Variants in RYR2 observed in about 807,000 individuals in gnomAD.
RYR2 encodes cardiac muscle ryanodine receptor-calcium release channel.
In RYR2, 227 loss-of-function variants were observed where a neutral mutation model predicts 601.1. That is an observed-to-expected ratio of 0.38 (90% confidence interval 0.34 to 0.42). RYR2 has a LOEUF of 0.42. RYR2 is among the 10% of genes least tolerant of loss of function. The pLI is 1.00. For missense variants in RYR2, 4,646 were observed against 6,156.5 expected (o/e 0.75, Z 8.21); for synonymous variants, 2,223 against 2,175.1 (o/e 1.02, Z -0.61).
At chr1:237,599,174 G>C (rs1170922298) in intron 34 of RYR2, among the ~76,000 whole-genome samples, 1 of 152,110 alleles carries the variant, frequency 6.6e-6, no homozygotes, top group Non-Finnish European at 1.5e-5. Context: ...AGGACTAAAT[G>C]GGGGAAAAGT....
chr1:237,351,879 G>C (rs1311419789), intron 3 of RYR2, among the ~76,000 whole-genome samples: 2 of 116,146 alleles, frequency 1.7e-5, no homozygotes, highest in Non-Finnish European at 3.7e-5. Flanking sequence ...AAAAAAAAAA[G>C]GTATAGACTA....
intron 1 of RYR2, among the ~76,000 whole-genome samples, chr1:237,125,401 GA>G (rs570290775): frequency 1.7e-3 from 250 of 148,026 alleles, no homozygotes; most frequent in African/African-American, 6.0e-3. Flanking sequence ...GCAAAGGGAT[GA>G]CTTAACAAAA....
chr1:237,501,309 A>G (rs995560043), intron 21 of RYR2, among the ~76,000 whole-genome samples: 3 of 150,872 alleles, frequency 2.0e-5, no homozygotes, highest in African/African-American at 7.3e-5. Context: ...ACACCCTCTT[A>G]TTTCAATAGA....
chr1:237,350,674 C>T (rs191247385), intron 3 of RYR2, among the ~76,000 whole-genome samples: 9 of 120,080 alleles, frequency 7.5e-5, no homozygotes, highest in South Asian at 2.9e-4. Flanking sequence ...GAAAGTATTG[C>T]GAGAAATCAA....
At chr1:237,168,187 G>A (rs181864075) in intron 1 of RYR2, among the ~76,000 whole-genome samples, 3 of 152,294 alleles carry the variant, frequency 2.0e-5, no homozygotes, top group Admixed American at 6.5e-5. Flanking sequence ...CAGCTGTAGA[G>A]TGGAGGACAA....
chr1:237,103,635 C>T (rs1439246633), intron 1 of RYR2, among the ~76,000 whole-genome samples: 2 of 152,224 alleles, frequency 1.3e-5, no homozygotes, highest in East Asian at 3.9e-4. Flanking sequence ...ATGCCATGAT[C>T]TCGGCTCACT....
At chr1:237,801,496 T>C (rs1009248971) in intron 97 of RYR2, among the ~76,000 whole-genome samples, 3 of 147,034 alleles carry the variant, frequency 2.0e-5, no homozygotes, top group African/African-American at 7.5e-5. Context: ...GAGCCAAGAT[T>C]GCACCATTGC....
At position 237,197,158 on chromosome 1, in the gene RYR2, A is replaced by G. The variant is rs148698367; in HGVS notation, c.49-73339A>G. On this transcript the variant is annotated intron_variant, in intron 1 of 104. Coordinates refer to ENST00000366574, the MANE Select transcript of RYR2 (RefSeq NM_001035.3). The stretch of plus-strand genomic sequence containing the variant: ...AATTGTCATTCAGATAATTTACCGA[A>G]AGATTCCATAGCCAATCATATTGTC... Among the ~76,000 whole-genome samples the G allele has an allele frequency of 6.0e-3, 912 of 152,300 alleles. 10 individuals carry two copies. Among genetic ancestry groups the G allele is most frequent in the South Asian group, 0.032 (153 of 4,824 alleles).
At chr1:237,451,627 A>C (rs1365547905) in intron 14 of RYR2, among the ~76,000 whole-genome samples, 1 of 151,286 alleles carries the variant, frequency 6.6e-6, no homozygotes, top group Non-Finnish European at 1.5e-5. Flanking sequence ...ATAATTTTTT[A>C]ATATATTTAG....
At chr1:237,181,004 G>A (rs1310128948) in intron 1 of RYR2, among the ~76,000 whole-genome samples, 1 of 151,206 alleles carries the variant, frequency 6.6e-6, no homozygotes, top group Non-Finnish European at 1.5e-5. Flanking sequence ...ATTTTTTTAA[G>A]ACAGAGCCTC....
At chr1:237,259,706 G>A (rs1257758731) in intron 1 of RYR2, among the ~76,000 whole-genome samples, 1 of 152,108 alleles carries the variant, frequency 6.6e-6, no homozygotes, top group Admixed American at 6.6e-5. Context: ...GCTTGAATTT[G>A]CACATGGGGG....
rs188852709 is a variant in RYR2, at chr1:237,343,948, G to A, written c.274-12017G>A. Among the ~76,000 whole-genome samples, 715 of 151,834 alleles carry A rather than the reference G, an allele frequency of 4.7e-3. 7 individuals carry two copies. Among genetic ancestry groups the A allele is most frequent in the African/African-American group, 0.016 (680 of 41,402 alleles). ...CGATTCTCCTGCCTCAGCCTCCCAA[G>A]TAGCTGGGATTGCAGGCACCCACCA... On this transcript the variant is annotated intron_variant, in intron 3 of 104. Transcript: ENST00000366574.
intron 29 of RYR2, among the ~76,000 whole-genome samples, chr1:237,581,763 C>G (rs1232496725): frequency 6.6e-6 from 1 of 152,204 alleles, no homozygotes; most frequent in East Asian, 1.9e-4. Flanking sequence ...CCAGCATCCT[C>G]TGTGCAACCT....
intron 14 of RYR2, among the ~76,000 whole-genome samples, chr1:237,448,750 A>G (rs1657699071): frequency 6.6e-6 from 1 of 151,954 alleles, no homozygotes; most frequent in African/African-American, 2.4e-5. Flanking sequence ...AACTCTGGTA[A>G]TATTCTTTTC....
At chr1:237,779,339 T>G (rs1057139931) in intron 88 of RYR2, among the ~76,000 whole-genome samples, 1 of 152,200 alleles carries the variant, frequency 6.6e-6, no homozygotes, top group African/African-American at 2.4e-5. Flanking sequence ...AAATATCAGC[T>G]TGTTTGCTCA....
chr1:237,658,177 A>C (rs1180829962), intron 54 of RYR2, among the ~76,000 whole-genome samples, 155 bp downstream of exon 54: 1 of 152,144 alleles, frequency 6.6e-6, no homozygotes, highest in Non-Finnish European at 1.5e-5. Context: ...TAATAATATA[A>C]TATTTAGCTA....
chr1:237,657,939 C>T lies in RYR2; in HGVS notation c.8130-5C>T, dbSNP rs1683411935. 5 of 1,456,508 alleles carry T rather than the reference C, an allele frequency of 3.4e-6. No homozygotes were observed. Among genetic ancestry groups the T allele is most frequent in the Non-Finnish European group, 4.6e-6 (5 of 1,081,480 alleles). 90.2% of individuals were successfully genotyped at this position (1,456,508 alleles called of 1,614,324 possible). ...CAAGCTCTTTTGTCTTTACTTTTCT[C>T]ATAGTATTACAATTCCTGAGAAATT... On this transcript the variant is annotated splice_polypyrimidine_tract_variant and splice_region_variant and intron_variant, in intron 53 of 104. Coordinates refer to ENST00000366574, the MANE Select transcript of RYR2 (RefSeq NM_001035.3).
At chr1:237,156,015 C>G (rs1272191274) in intron 1 of RYR2, among the ~76,000 whole-genome samples, 1 of 152,228 alleles carries the variant, frequency 6.6e-6, no homozygotes, top group Non-Finnish European at 1.5e-5. Context: ...TGCTGAACCT[C>G]ACACATGTGT....
In RYR2 at chr1:237,633,554, G is replaced by A; in HGVS notation, c.6556-24G>A. 1.9e-6 allele frequency: 3 copies of A among 1,613,390 alleles called. No homozygotes were observed. The African/African-American group carries it at 4.0e-5, about 22-fold the overall frequency. On this transcript the variant is annotated intron_variant, in intron 42 of 104. Coordinates refer to ENST00000366574, the MANE Select transcript of RYR2 (RefSeq NM_001035.3). ...TTATAAAGGTCGTTTGCTTTCAGCA[G>A]CTAATGACATGCTTTATCTGTAGGA...
Sources: gnomAD v4.1 joint callset for allele counts (sites outside exome capture counted in the v4.1 genomes callset) on GRCh38, gnomAD v4.1.1 for gene constraint, MANE v1.5 for transcripts, NCBI Gene and HGNC (gene_info 2026-07-23, HGNC 2026-07-21) for gene names.